Variants in HHAT observed in about 807,000 individuals in gnomAD.
HHAT encodes protein-cysteine N-palmitoyltransferase HHAT.
HHAT carries 47 observed loss-of-function variants against 70.8 expected under a neutral mutation model. That is an observed-to-expected ratio of 0.66 (90% confidence interval 0.53 to 0.85). HHAT has a LOEUF of 0.85. Ranked by LOEUF, HHAT falls within the 40% of genes least tolerant of loss-of-function variation. The pLI, the probability that HHAT is intolerant of heterozygous loss-of-function variation, is 0.00. For synonymous variants in HHAT, 228 were observed against 247.6 expected (o/e 0.92, Z 0.74); for missense variants, 609 against 604.8 (o/e 1.01, Z -0.07).
intron 11 of HHAT, among the ~76,000 whole-genome samples, chr1:210,662,281 G>A (rs1677901201): frequency 6.6e-6 from 1 of 152,192 alleles, no homozygotes. Context: ...CCTATGGCAA[G>A]AATCCAGGCT....
At chr1:210,381,764 C>T (rs190798968) in intron 3 of HHAT, among the ~76,000 whole-genome samples, 1 of 151,984 alleles carries the variant, frequency 6.6e-6, no homozygotes, top group Admixed American at 6.5e-5. Flanking sequence ...GGACTGATTA[C>T]AAAAAAAATC....
intron 6 of HHAT, among the ~76,000 whole-genome samples, chr1:210,417,215 C>T (rs756273526): frequency 2.1e-4 from 32 of 152,044 alleles, no homozygotes; most frequent in East Asian, 7.7e-4. Context: ...CAAAGCTACC[C>T]GAAGTGACTT....
chr1:210,455,993 A>G (rs1475925840), intron 7 of HHAT, among the ~76,000 whole-genome samples: 2 of 112,636 alleles, frequency 1.8e-5, no homozygotes, highest in African/African-American at 6.7e-5. Context: ...TAGCAACTGT[A>G]GGTAGAGGAG....
chr1:210,348,627 A>G (rs150399717), intron 1 of HHAT, among the ~76,000 whole-genome samples: 19 of 152,204 alleles, frequency 1.2e-4, no homozygotes, highest in African/African-American at 2.9e-4. Context: ...CATATTATGC[A>G]ATGGGTAGAG....
intron 11 of HHAT, among the ~76,000 whole-genome samples, chr1:210,630,415 T>G (rs1201905513): frequency 6.6e-6 from 1 of 152,122 alleles, no homozygotes; most frequent in Non-Finnish European, 1.5e-5. Context: ...CTAAAGAGAT[T>G]TGGTTATAAT....
chr1:210,363,237 C>T (rs556582492), intron 3 of HHAT, among the ~76,000 whole-genome samples: 7 of 152,304 alleles, frequency 4.6e-5, no homozygotes, highest in South Asian at 2.1e-4. Flanking sequence ...GGCCCCTGGA[C>T]GCTCCTATAC....
intron 7 of HHAT, among the ~76,000 whole-genome samples, chr1:210,447,722 C>T (rs1281991348): frequency 2.0e-5 from 3 of 152,208 alleles, no homozygotes; most frequent in African/African-American, 7.2e-5. Context: ...GGGCCAGTGT[C>T]CTGGCCCTGA....
intron 11 of HHAT, among the ~76,000 whole-genome samples, chr1:210,632,668 C>T (rs1387977545): frequency 2.0e-5 from 3 of 152,228 alleles, no homozygotes; most frequent in Non-Finnish European, 4.4e-5. Flanking sequence ...ATTTTACAAG[C>T]TGCTCTTTGT....
At chr1:210,602,797 A>G (rs1399111613) in intron 10 of HHAT, among the ~76,000 whole-genome samples, 1 of 152,106 alleles carries the variant, frequency 6.6e-6, no homozygotes, top group Non-Finnish European at 1.5e-5. Flanking sequence ...GCACCCCCAC[A>G]GCATTGTCTC....
chr1:210,596,025 A>G (rs976752407), intron 10 of HHAT, among the ~76,000 whole-genome samples: 4 of 152,180 alleles, frequency 2.6e-5, no homozygotes, highest in Admixed American at 6.5e-5. Context: ...TTGGTGTTTT[A>G]GACATGAAGT....
chr1:210,452,286 G>A (rs921345074), intron 7 of HHAT, among the ~76,000 whole-genome samples: 4 of 152,186 alleles, frequency 2.6e-5, no homozygotes, highest in Non-Finnish European at 5.9e-5. Context: ...GCTGAGATAA[G>A]CCCATTTTGC....
At chr1:210,459,943 T>C (rs942466783) in intron 7 of HHAT, among the ~76,000 whole-genome samples, 2 of 152,214 alleles carry the variant, frequency 1.3e-5, no homozygotes, top group Non-Finnish European at 2.9e-5. Flanking sequence ...CTTTCAAAGG[T>C]GTAACTGGGC....
rs1417356363 is a variant in HHAT, at chr1:210,474,847, G to T, written c.1007+10192G>T. Among the ~76,000 whole-genome samples, 762 of 138,032 alleles carry T rather than the reference G, an allele frequency of 5.5e-3. 2 individuals carry two copies. The highest frequency in any genetic ancestry group is 8.4e-3 in the Non-Finnish European group (535 of 63,954). 90.6% of individuals were successfully genotyped at this position (138,032 alleles called of 152,430 possible). A position where few individuals can be genotyped will look rare whatever the true frequency, so the allele number is the denominator to read the frequency against. ...GTTTTTTTTTTTTTCCGTTTTTTTT[G>T]TTTGTTTGTTTGTTTGTTTTTGAGA... On this transcript the variant is annotated intron_variant, in intron 8 of 11. Transcript: ENST00000261458.
intron 7 of HHAT, among the ~76,000 whole-genome samples, chr1:210,458,970 G>A (rs981994913): frequency 2.0e-5 from 3 of 152,154 alleles, no homozygotes; most frequent in African/African-American, 7.2e-5. Flanking sequence ...CCTCCTAGAA[G>A]TCTTGTAGAA....
intron 8 of HHAT, among the ~76,000 whole-genome samples, chr1:210,499,359 G>A (rs970043373): frequency 3.9e-5 from 6 of 152,160 alleles, no homozygotes; most frequent in Admixed American, 1.3e-4. Flanking sequence ...GGAAGTGGCC[G>A]GGTGTCATGG....
chr1:210,660,354 C>A (rs1413293441), intron 11 of HHAT, among the ~76,000 whole-genome samples: 1 of 152,132 alleles, frequency 6.6e-6, no homozygotes, highest in East Asian at 1.9e-4. Flanking sequence ...ATCCAACTTA[C>A]AAGGGATGTG....
intron 9 of HHAT, among the ~76,000 whole-genome samples, chr1:210,573,807 G>A (rs1294661530): frequency 1.3e-5 from 2 of 152,152 alleles, no homozygotes; most frequent in African/African-American, 2.4e-5. Flanking sequence ...GAACACAGTG[G>A]CAGCAGACAT....
intron 11 of HHAT, among the ~76,000 whole-genome samples, chr1:210,643,100 C>T (rs965841479): frequency 6.6e-6 from 1 of 152,148 alleles, no homozygotes; most frequent in South Asian, 2.1e-4. Context: ...ATTGAAAAAA[C>T]CATTGTATCC....
chr1:210,644,287 A>G (rs1316761472), intron 11 of HHAT, among the ~76,000 whole-genome samples: 1 of 152,192 alleles, frequency 6.6e-6, no homozygotes, highest in Non-Finnish European at 1.5e-5. Context: ...ATTTTGGGAG[A>G]GTGAAGTGCG....
Sources: gnomAD v4.1 joint callset for allele counts (sites outside exome capture counted in the v4.1 genomes callset) on GRCh38, gnomAD v4.1.1 for gene constraint, MANE v1.5 for transcripts, NCBI Gene and HGNC (gene_info 2026-07-23, HGNC 2026-07-21) for gene names.